The following RBFOX2 variants were observed in gnomAD, a reference collection of about 807,000 sequenced individuals.
The protein encoded by RBFOX2 is RNA binding protein fox-1 homolog 2.
In RBFOX2, 10 loss-of-function variants were observed where a neutral mutation model predicts 49.1. That is an observed-to-expected ratio of 0.20 (90% CI 0.13 to 0.35). RBFOX2 has a LOEUF of 0.35. Among genes scored for constraint, RBFOX2 ranks in the 10% least tolerant of loss-of-function variants. The probability of loss-of-function intolerance (pLI) is 1.00; values close to 1 mark genes in which losing one functional copy is unlikely to be tolerated. For synonymous variants in RBFOX2, 183 were observed against 187.4 expected (o/e 0.98, Z 0.19); for missense variants, 323 against 486.9 (o/e 0.66, Z 3.17).
chr22:35,874,332 G>GA (rs891911264), intron 1 of RBFOX2, among the ~76,000 whole-genome samples: 73 of 149,874 alleles, frequency 4.9e-4, no homozygotes, highest in South Asian at 2.3e-3. Context: ...ATGTTGAGCG[G>GA]AAAAAAAAAA....
At chr22:35,925,739 T>C (rs2051558491) in intron 1 of RBFOX2, among the ~76,000 whole-genome samples, 1 of 152,188 alleles carries the variant, frequency 6.6e-6, no homozygotes, top group Non-Finnish European at 1.5e-5. Flanking sequence ...CACCCCACAG[T>C]GTGGCTTGAA....
chr22:35,933,430 G>T (rs2052654751), intron 1 of RBFOX2, among the ~76,000 whole-genome samples: 1 of 152,160 alleles, frequency 6.6e-6, no homozygotes, highest in African/African-American at 2.4e-5. Flanking sequence ...AATTTTTAAT[G>T]ATGAAATAAT....
chr22:35,804,808 T>C (rs760185924), intron 2 of RBFOX2, among the ~76,000 whole-genome samples: 8 of 151,864 alleles, frequency 5.3e-5, no homozygotes, highest in South Asian at 2.1e-4. Flanking sequence ...CTTGGACCTA[T>C]AGGAAGACAT....
intron 1 of RBFOX2, among the ~76,000 whole-genome samples, chr22:35,905,219 C>G (rs2048994910): frequency 6.6e-6 from 1 of 151,508 alleles, no homozygotes; most frequent in Non-Finnish European, 1.5e-5. Context: ...GAATAAGTAC[C>G]AGAGGAAAAA....
At chr22:35,832,503 G>A (rs922918137) in intron 1 of RBFOX2, among the ~76,000 whole-genome samples, 11 of 152,172 alleles carry the variant, frequency 7.2e-5, no homozygotes, top group Non-Finnish European at 1.2e-4. Context: ...GCAGGGGATG[G>A]AGAGAGGTTG....
chr22:36,000,848 C>A (rs1011613110), intron 1 of RBFOX2, among the ~76,000 whole-genome samples: 1 of 152,076 alleles, frequency 6.6e-6, no homozygotes, highest in Non-Finnish European at 1.5e-5. Context: ...TCCCTATCTC[C>A]ACATAACACA....
chr22:36,021,457 A>G (rs2059245905), intron 1 of RBFOX2, among the ~76,000 whole-genome samples: 1 of 152,136 alleles, frequency 6.6e-6, no homozygotes, highest in Non-Finnish European at 1.5e-5. Context: ...ACGGTCTCAG[A>G]TTAAGGGATC....
At chr22:35,979,855 T>A (rs1027278152) in intron 1 of RBFOX2, among the ~76,000 whole-genome samples, 3 of 152,212 alleles carry the variant, frequency 2.0e-5, no homozygotes, top group African/African-American at 7.2e-5. Flanking sequence ...ACTCAGTCTG[T>A]CAAACTCTGG....
chr22:35,945,728 T>C (rs1224079960), intron 1 of RBFOX2, among the ~76,000 whole-genome samples: 1 of 152,202 alleles, frequency 6.6e-6, no homozygotes, highest in Middle Eastern at 3.2e-3. Context: ...TAAGCCACTG[T>C]GCCTGGCCTC....
intron 1 of RBFOX2, among the ~76,000 whole-genome samples, chr22:35,920,644 C>T (rs1465843837): frequency 1.3e-5 from 2 of 152,132 alleles, no homozygotes; most frequent in African/African-American, 4.8e-5. Flanking sequence ...TCCTATTCTT[C>T]CTAAAAGCAT....
At chr22:35,784,049 G>A (rs1052174733) in intron 2 of RBFOX2, among the ~76,000 whole-genome samples, 3 of 152,206 alleles carry the variant, frequency 2.0e-5, no homozygotes, top group African/African-American at 4.8e-5. Context: ...CGCTGAAGCG[G>A]GCAGGGACGG....
intron 2 of RBFOX2, among the ~76,000 whole-genome samples, chr22:35,809,151 G>A (rs1951331075): frequency 6.6e-6 from 1 of 151,952 alleles, no homozygotes; most frequent in Admixed American, 6.6e-5. Context: ...GACTAGAGCA[G>A]TGATGATGAT....
At chr22:35,800,332 C>T (rs1178655170) in intron 2 of RBFOX2, among the ~76,000 whole-genome samples, 1 of 152,178 alleles carries the variant, frequency 6.6e-6, no homozygotes, top group Non-Finnish European at 1.5e-5. Flanking sequence ...CTTCTCCGAG[C>T]ACAATTCTGC....
intron 1 of RBFOX2, among the ~76,000 whole-genome samples, chr22:36,006,616 C>T (rs2058627788): frequency 6.6e-6 from 1 of 152,194 alleles, no homozygotes; most frequent in South Asian, 2.1e-4. Flanking sequence ...AAGAGAACAG[C>T]AGTGTGCGGA....
chr22:36,015,690 G>A (rs1384152605), intron 1 of RBFOX2, among the ~76,000 whole-genome samples: 2 of 152,156 alleles, frequency 1.3e-5, no homozygotes, highest in South Asian at 2.1e-4. Context: ...GTCTGATTAG[G>A]GGATAGCGAC....
intron 1 of RBFOX2, among the ~76,000 whole-genome samples, chr22:35,982,001 C>T (rs997386767): frequency 1.3e-5 from 2 of 152,146 alleles, no homozygotes; most frequent in East Asian, 1.9e-4. Flanking sequence ...ATAACAGCTA[C>T]AATAATGGTA....
chr22:35,954,393 T>A (rs1161709004), intron 1 of RBFOX2, among the ~76,000 whole-genome samples: 1 of 152,204 alleles, frequency 6.6e-6, no homozygotes, highest in Non-Finnish European at 1.5e-5. Flanking sequence ...TTTTTGCAAA[T>A]ACTCCTCAGG....
At chr22:35,864,015 C>T (rs1216405121) in intron 1 of RBFOX2, among the ~76,000 whole-genome samples, 1 of 152,064 alleles carries the variant, frequency 6.6e-6, no homozygotes, top group Non-Finnish European at 1.5e-5. Context: ...CTTCTCAGAT[C>T]AGTGTCAGCA....
At chr22:35,975,184 A>G (rs2057086301) in intron 1 of RBFOX2, among the ~76,000 whole-genome samples, 1 of 152,360 alleles carries the variant, frequency 6.6e-6, no homozygotes. Context: ...AAATTGCTAT[A>G]GAAGTTCTAA....
Sources: gnomAD v4.1 joint callset for allele counts (sites outside exome capture counted in the v4.1 genomes callset) on GRCh38, gnomAD v4.1.1 for gene constraint, MANE v1.5 for transcripts, NCBI Gene and HGNC (gene_info 2026-07-23, HGNC 2026-07-21) for gene names.